BBOX1: variants seen among roughly 807,000 people sequenced by gnomAD.
The protein encoded by BBOX1 is gamma-butyrobetaine hydroxylase 1, also known as gamma-butyrobetaine dioxygenase.
Under a neutral mutation model 41.6 loss-of-function variants are expected in BBOX1, and 35 were observed. The observed-to-expected ratio is 0.84, with a 90% CI of 0.64 to 1.11. The LOEUF (loss-of-function observed/expected upper bound fraction) is 1.11, where lower values mean the gene tolerates loss of function less well. Ranked by LOEUF, BBOX1 falls within the 50% of genes most tolerant of loss-of-function variation. The pLI is 0.00. For synonymous variants in BBOX1, 163 were observed against 154.7 expected (o/e 1.05, Z -0.40); for missense variants, 458 against 460.6 (o/e 0.99, Z 0.05).
intron 4 of BBOX1, among the ~76,000 whole-genome samples, chr11:27,059,039 T>C (rs1469706377): frequency 6.6e-6 from 1 of 152,186 alleles, no homozygotes; most frequent in African/African-American, 2.4e-5. Context: ...AGGCATTTCA[T>C]AGACCTGCAC....
chr11:27,048,870 T>G (rs1037652124), intron 2 of BBOX1, among the ~76,000 whole-genome samples: 1 of 148,140 alleles, frequency 6.8e-6, no homozygotes, highest in Non-Finnish European at 1.5e-5. Flanking sequence ...TAGCATTAGG[T>G]ATATCTCCCA....
rs550399806 is a variant in BBOX1 at position 27,074,041 on chromosome 11, A to T, written c.334+16726A>T. On this transcript the variant is annotated intron_variant, in intron 4 of 8. Transcript: ENST00000263182. ...ACAAACCTGCATGTTGTGCACATGT[A>T]CCCTAGAACTTAAAGTATAATATAA... Among the ~76,000 whole-genome samples the T allele has an allele frequency of 3.8e-3, 581 of 152,146 alleles. 3 individuals are homozygous for T. Among genetic ancestry groups the T allele is most frequent in the South Asian group, 7.5e-3 (36 of 4,816 alleles).
chr11:27,119,875 A>G (rs1227994827), intron 7 of BBOX1, 30 bp downstream of exon 7: 1 of 1,255,782 alleles, frequency 8.0e-7, no homozygotes, highest in Admixed American at 3.0e-5. Context: ...TTCCCATAGC[A>G]ATAAAAGAAT....
chr11:27,126,422 A>G (rs1240612539), intron 8 of BBOX1, among the ~76,000 whole-genome samples: 2 of 152,220 alleles, frequency 1.3e-5, no homozygotes, highest in Non-Finnish European at 2.9e-5. Flanking sequence ...GGGGGAAAAA[A>G]TACAAAAAAT....
At chr11:27,082,862 G>A (rs1857897724) in intron 4 of BBOX1, among the ~76,000 whole-genome samples, 1 of 152,076 alleles carries the variant, frequency 6.6e-6, no homozygotes, top group African/African-American at 2.4e-5. Context: ...GGTCATTCCA[G>A]TCATAAGCGT....
At chr11:27,062,306 C>A (rs1201843851) in intron 4 of BBOX1, among the ~76,000 whole-genome samples, 1 of 152,202 alleles carries the variant, frequency 6.6e-6, no homozygotes, top group Admixed American at 6.5e-5. Context: ...ATATGCCCTG[C>A]TTGGTCCTAA....
chr11:27,124,206 C>G (rs1042394264), intron 7 of BBOX1, among the ~76,000 whole-genome samples: 1 of 152,202 alleles, frequency 6.6e-6, no homozygotes, highest in Non-Finnish European at 1.5e-5. Context: ...ACCGACCAAG[C>G]CTTGGCCCTG....
chr11:27,047,754 A>G (rs1232636928), intron 2 of BBOX1, among the ~76,000 whole-genome samples: 2 of 152,008 alleles, frequency 1.3e-5, no homozygotes, highest in South Asian at 2.1e-4. Context: ...TGGGGTAATT[A>G]CAGTAGATTT....
intron 4 of BBOX1, among the ~76,000 whole-genome samples, chr11:27,083,444 A>C (rs961859262): frequency 6.6e-6 from 1 of 151,906 alleles, no homozygotes; most frequent in African/African-American, 2.4e-5. Context: ...CCCCAGTTCT[A>C]GCCTTGGTGA....
chr11:27,115,118 C>T (rs1859210812), intron 5 of BBOX1, among the ~76,000 whole-genome samples: 1 of 151,852 alleles, frequency 6.6e-6, no homozygotes, highest in Non-Finnish European at 1.5e-5. Flanking sequence ...GATTCATTTT[C>T]TGTTATGTGA....
chr11:27,049,353 G>C (rs1218224350), intron 2 of BBOX1, among the ~76,000 whole-genome samples: 1 of 151,958 alleles, frequency 6.6e-6, no homozygotes, highest in Non-Finnish European at 1.5e-5. Flanking sequence ...ATACCTGCTG[G>C]CCATTTATAT....
At chr11:27,082,210 T>C (rs1857865991) in intron 4 of BBOX1, among the ~76,000 whole-genome samples, 1 of 152,100 alleles carries the variant, frequency 6.6e-6, no homozygotes, top group Non-Finnish European at 1.5e-5. Context: ...ACATGAGATT[T>C]GGGTAGGGGC....
chr11:27,075,898 C>G (rs1715441129), intron 4 of BBOX1, among the ~76,000 whole-genome samples: 1 of 152,172 alleles, frequency 6.6e-6, no homozygotes, highest in African/African-American at 2.4e-5. Flanking sequence ...CTCCAGGACC[C>G]TTTGTGAGCA....
intron 4 of BBOX1, among the ~76,000 whole-genome samples, chr11:27,086,274 A>G (rs1022274869): frequency 6.6e-6 from 1 of 152,090 alleles, no homozygotes; most frequent in African/African-American, 2.4e-5. Context: ...AAGAGAGGTC[A>G]ATGCCTAGCT....
At chr11:27,041,944 G>A (rs769444285) in intron 2 of BBOX1, among the ~76,000 whole-genome samples, 1 of 152,094 alleles carries the variant, frequency 6.6e-6, no homozygotes, top group African/African-American at 2.4e-5. Context: ...CTAGCTCTTT[G>A]TTAAGCTCAA....
intron 4 of BBOX1, among the ~76,000 whole-genome samples, chr11:27,068,481 G>T (rs532872475): frequency 5.3e-5 from 8 of 151,946 alleles, no homozygotes; most frequent in Non-Finnish European, 8.8e-5. Flanking sequence ...CCTTTGTTGG[G>T]ATGGATAGTT....
Position 27,055,834 on chromosome 11 carries a change from C to T in BBOX1, c.219+185C>T, listed in dbSNP as rs139645294. On this transcript the variant is annotated intron_variant, in intron 3 of 8. Coordinates refer to ENST00000263182, the MANE Select transcript of BBOX1 (RefSeq NM_003986.3). The stretch of plus-strand genomic sequence containing the variant: ...ATGGAAGCTTCAGCTATTATTATTA[C>T]TATTATCATTACTACTACTATTTTT... 5.9e-3 allele frequency among the ~76,000 whole-genome samples: 902 copies of T among 152,232 alleles called. 9 individuals are homozygous for T. Among genetic ancestry groups the T allele is most frequent in the African/African-American group, 0.02 (840 of 41,544 alleles).
At position 27,125,932 on chromosome 11, in the gene BBOX1, C is replaced by T. The variant is rs900239327; in HGVS notation, c.1003+112C>T. On this transcript the variant is annotated intron_variant, in intron 8 of 8. Transcript: ENST00000263182. ...TCAGGTATGGCATGTAGAACACCAA[C>T]AACAGAATCTTGGTGAGCAACTGAC... 2.7e-5 allele frequency: 31 copies of T among 1,147,002 alleles called. No individual in the cohort carries two copies. The African/African-American group carries it at 4.4e-4, about 16-fold the overall frequency. The allele number at this position is 1,147,002 out of a possible 1,614,324, so 71.1% of individuals were successfully genotyped here. A position where few individuals can be genotyped will look rare whatever the true frequency, so the allele number is the denominator to read the frequency against.
intron 2 of BBOX1, chr11:27,047,344 T>G (rs1851516693): frequency 6.6e-6 from 1 of 152,202 alleles, no homozygotes; most frequent in Non-Finnish European, 1.5e-5. Context: ...AAAAAACAGA[T>G]AGAAAGCTCA....
Sources: allele counts gnomAD v4.1 joint callset (sites outside exome capture counted in the v4.1 genomes callset), GRCh38; gene constraint gnomAD v4.1.1; transcripts MANE v1.5; gene names NCBI Gene and HGNC (gene_info 2026-07-23, HGNC 2026-07-21).